The following MLLT6 variants were observed in gnomAD, a reference collection of about 807,000 sequenced individuals.
MLLT6 encodes the protein MLLT6, PHD finger containing.
In MLLT6, 22 loss-of-function variants were observed where a neutral mutation model predicts 103.0. The observed-to-expected ratio is 0.21, with a 90% CI of 0.15 to 0.31. The LOEUF is 0.31. Ranked by LOEUF, MLLT6 falls within the 10% of genes least tolerant of loss-of-function variation. The probability of loss-of-function intolerance (pLI) is 1.00; values close to 1 mark genes in which losing one functional copy is unlikely to be tolerated. For missense variants in MLLT6, 1,199 were observed against 1,441.7 expected (o/e 0.83, Z 2.73); for synonymous variants, 606 against 623.5 (o/e 0.97, Z 0.42).
chr17:38,710,471 C>T (rs769857578), intron 6 of MLLT6, among the ~76,000 whole-genome samples: 1 of 152,014 alleles, frequency 6.6e-6, no homozygotes, highest in African/African-American at 2.4e-5. Flanking sequence ...CCCTGGCAGC[C>T]GCTGTGAGGC....
In MLLT6 at chr17:38,720,373, C is replaced by T. The variant is rs1200602204; in HGVS notation, c.2157C>T (p.Ile719=). 4.0e-6 allele frequency: 6 copies of T among 1,507,284 alleles called. No individual in the cohort carries two copies. The highest frequency in any genetic ancestry group is 5.7e-5 in the East Asian group (2 of 35,044). The allele number at this position is 1,507,284 out of a possible 1,614,324, so 93.4% of individuals were successfully genotyped here. ...TCAGGTTCCTCGCTCTCTCCGCAGTCGTGGAGATGCTGAAGGCGCTGCACG... is the reference window on the plus strand; with the variant it reads ...TCAGGTTCCTCGCTCTCTCCGCAGTTGTGGAGATGCTGAAGGCGCTGCACG... ...KQGDGEAGVN[I]VEMLKALHAL... is the part of the protein sequence containing the mutation. Residue 719 remains isoleucine (I), a splice_region_variant and synonymous_variant, in exon 15 of 20, where the codon ATC becomes ATT. Coordinates refer to ENST00000621332, the MANE Select transcript of MLLT6 (RefSeq NM_005937.4).
rs1479585208 is a variant in MLLT6, at chr17:38,725,473, T to C, written c.3241-84T>C. 3 of 1,312,078 alleles carry C rather than the reference T, an allele frequency of 2.3e-6. No homozygotes were observed. In the African/African-American group the frequency reaches 4.4e-5, roughly 19 times the overall value. 81.3% of individuals were successfully genotyped at this position (1,312,078 alleles called of 1,614,324 possible). A position where few individuals can be genotyped will look rare whatever the true frequency, so the allele number is the denominator to read the frequency against. ...CCCCGTTTCAGTACCCCACAGCAGC[T>C]TTCTTGGCCTAGGAAGCTGTTCTTA... On this transcript the variant is annotated intron_variant, in intron 19 of 19. Transcript: ENST00000621332.
rs539538439 is a variant in MLLT6 at position 38,709,917 on chromosome 17, G to A, written c.552+342G>A. Among the ~76,000 whole-genome samples the A allele has an allele frequency of 3.3e-5, 5 of 152,328 alleles. No homozygotes were observed. The highest frequency in any genetic ancestry group is 4.8e-5 in the African/African-American group (2 of 41,578). ...GGGAGGCAGCATTTACTACGCCTCC[G>A]CCTTAGGACAAAGTTCCTGCCATGT... On this transcript the variant is annotated intron_variant, in intron 6 of 19. Transcript: ENST00000621332. The surrounding 1 kb of genome is among the most constrained non-coding windows in gnomAD (Gnocchi z 4.3).
chr17:38,716,715 G>C lies in MLLT6; in HGVS notation c.1385G>C (p.Gly462Ala), dbSNP rs1204799849. The stretch of plus-strand genomic sequence containing the variant: ...CCTGCTGATGAGACCCCTGAGACAG[G>C]CCTGAAGGAGAAGAAGCACAAAGCC... Reference protein sequence around the residue: ...PVPADETPETGLKEKKHKASK... With the variant: ...PVPADETPETALKEKKHKASK... Residue 462 changes from glycine (G) to alanine (A), a missense_variant, in exon 10 of 20, where the codon GGC (glycine) becomes GCC (alanine). By Grantham distance (60) the Gly-to-Ala change is moderately conservative. Around this residue, in one of 7 missense-constraint regions of MLLT6, gnomAD observed 1,034 missense variants for 1,091.5 expected, o/e 0.95. Transcript: ENST00000621332. This position sits in a 1 kb window ranked among gnomAD's most constrained non-coding sequence, Gnocchi z 5.6. 12 of 1,610,904 alleles carry C rather than the reference G, an allele frequency of 7.4e-6. No homozygotes were observed. Among genetic ancestry groups the C allele is most frequent in the Non-Finnish European group, 1.0e-5 (12 of 1,178,832 alleles).
intron 16 of MLLT6, chr17:38,721,062 G>T (rs1005864754): frequency 1.3e-5 from 6 of 468,750 alleles, no homozygotes; most frequent in African/African-American, 7.9e-5. Context: ...GAGAGAGAAC[G>T]GGGGAGGGCT....
At chr17:38,710,930 A>G (rs1672785731) in intron 6 of MLLT6, among the ~76,000 whole-genome samples, 1 of 152,170 alleles carries the variant, frequency 6.6e-6, no homozygotes, top group South Asian at 2.1e-4. Flanking sequence ...GATTTGGTGG[A>G]TGTCAGACTC....
Position 38,716,691 on chromosome 17 carries a change from C to T in MLLT6, c.1361C>T (p.Pro454Leu), listed in dbSNP as rs913850194. 3.1e-6 allele frequency: 5 copies of T among 1,612,790 alleles called. No individual in the cohort carries two copies. ...CCCGCACTGAGTGCCACCCCTGTGCCTGCTGATGAGACCCCTGAGACAGGC... is the reference window on the plus strand; with the variant it reads ...CCCGCACTGAGTGCCACCCCTGTGCTTGCTGATGAGACCCCTGAGACAGGC... ...RMPALSATPV[P>L]ADETPETGLK... The change falls in exon 10 of 20, where the codon CCT becomes CTT. Residue 454 changes from proline (P) to leucine (L), a missense_variant. Coordinates refer to ENST00000621332, the MANE Select transcript of MLLT6 (RefSeq NM_005937.4). The surrounding 1 kb of genome is among the most constrained non-coding windows in gnomAD (Gnocchi z 5.6).
chr17:38,716,844 G>A lies in MLLT6; in HGVS notation c.1514G>A (p.Gly505Asp). The part of the protein sequence containing the change: ...APSLPSAQLA[G>D]FTATAASPFS... ...TCCTTGCCCAGTGCCCAGCTGGCTG[G>A]CTTTACCGCCACTGCTGCCTCACCC... The change falls in exon 10 of 20, where the codon GGC (glycine) becomes GAC (aspartate). Residue 505 changes from glycine to aspartate, a missense_variant. Physicochemically the swap from Gly to Asp is moderately conservative, Grantham distance 94. This residue lies in a region of MLLT6 where 1,034 missense variants were observed against 1,091.5 expected (regional missense o/e 0.95). Coordinates refer to ENST00000621332, the MANE Select transcript of MLLT6 (RefSeq NM_005937.4). The surrounding 1 kb of genome is among the most constrained non-coding windows in gnomAD (Gnocchi z 5.6). The A allele has an allele frequency of 6.2e-7, 1 of 1,612,826 alleles. No individual in the cohort carries two copies. Among genetic ancestry groups the A allele is most frequent in the South Asian group, 1.1e-5 (1 of 90,866 alleles).
chr17:38,724,705 AGCT>A lies in MLLT6; in HGVS notation c.2972_2974del (p.Leu991del), dbSNP rs1445095907. On this transcript the variant is annotated inframe_deletion, in exon 19 of 20. Coordinates refer to ENST00000621332, the MANE Select transcript of MLLT6 (RefSeq NM_005937.4). This position sits in a 1 kb window ranked among gnomAD's most constrained non-coding sequence, Gnocchi z 5.4. ...CGCCTGCAGATGGCTGGGGGCTCCC[AGCT>A]GCCCATGGCCAGCCTGCTGGCAGGA... The A allele has an allele frequency of 1.2e-6, 2 of 1,612,976 alleles. No individual in the cohort carries two copies. The highest frequency in any genetic ancestry group is 3.3e-5 in the Admixed American group (2 of 59,952).
At chr17:38,706,904 C>T (rs1193810474) in intron 1 of MLLT6, 46 bp from the exon 2 acceptor site, 3 of 1,540,248 alleles carry the variant, frequency 1.9e-6, no homozygotes, top group East Asian at 2.3e-5. Flanking sequence ...TGGGAAAAAG[C>T]CACTGGCTGA....
chr17:38,712,738 T>C lies in MLLT6; in HGVS notation c.768T>C (p.Pro256=), dbSNP rs886726072. 8.1e-6 allele frequency: 13 copies of C among 1,613,770 alleles called. No individual in the cohort carries two copies. Among genetic ancestry groups the C allele is most frequent in the Non-Finnish European group, 1.1e-5 (13 of 1,179,870 alleles). The change falls in exon 8 of 20, where the codon CCT becomes CCC. Residue 256 remains proline (P), a synonymous_variant. Transcript: ENST00000621332. ...ERLKQKHKKR[P]ESPPSILTPP... The stretch of plus-strand genomic sequence containing the variant: ...TTAAGCAGAAGCACAAGAAGCGGCC[T>C]GAGTCGCCCCCCAGCATCCTCACCC...
At chr17:38,705,797 G>A in intron 1 of MLLT6, 56 bp downstream of exon 1, 3 of 762,474 alleles carry the variant, frequency 3.9e-6, no homozygotes, top group Non-Finnish European at 5.3e-6. Context: ...TGCGCGGGGC[G>A]CCCCCGGCCG....
chr17:38,721,849 T>C (rs541478286), intron 16 of MLLT6, 29 bp from the exon 17 acceptor site: 2 of 1,494,610 alleles, frequency 1.3e-6, no homozygotes, highest in East Asian at 2.5e-5. Context: ...GCTGGCCCTC[T>C]GACCCCTCCC....
Position 38,705,647 on chromosome 17 carries a change from A to G in MLLT6, c.15A>G (p.Val5=), listed in dbSNP as rs1446011667. 5 of 1,489,710 alleles carry G rather than the reference A, an allele frequency of 3.4e-6. No homozygotes were observed. In the African/African-American group the frequency reaches 4.4e-5, roughly 13 times the overall value. The allele number at this position is 1,489,710 out of a possible 1,614,324, so 92.3% of individuals were successfully genotyped here. ...CTCATGGGAGTATGAAGGAGATGGT[A>G]GGAGGCTGCTGCGTATGTTCGGACG... MKEM[V]GGCCVCSDER... The change falls in exon 1 of 20, where the codon GTA becomes GTG. Residue 5 remains valine, a synonymous_variant. Coordinates refer to ENST00000621332, the MANE Select transcript of MLLT6 (RefSeq NM_005937.4).
Position 38,716,682 on chromosome 17 carries a change from C to A in MLLT6, c.1352C>A (p.Thr451Asn). Residue 451 changes from threonine (T) to asparagine (N), a missense_variant, in exon 10 of 20, where the codon ACC (threonine) becomes AAC (asparagine). By Grantham distance (65) the Thr-to-Asn change is moderately conservative. Coordinates refer to ENST00000621332, the MANE Select transcript of MLLT6 (RefSeq NM_005937.4). The surrounding 1 kb of genome is among the most constrained non-coding windows in gnomAD (Gnocchi z 5.6). The part of the protein sequence containing the change: ...THKRMPALSA[T>N]PVPADETPET... ...AAACGGATGCCCGCACTGAGTGCCA[C>A]CCCTGTGCCTGCTGATGAGACCCCT... The A allele has an allele frequency of 3.1e-6, 5 of 1,613,088 alleles. No homozygotes were observed. The highest frequency in any genetic ancestry group is 4.2e-6 in the Non-Finnish European group (5 of 1,179,726).
chr17:38,713,168 C>T, intron 8 of MLLT6: 1 of 630,556 alleles, frequency 1.6e-6, no homozygotes, highest in Non-Finnish European at 2.9e-6. Context: ...CAGGAGGACA[C>T]CCAAAGCTTG....
chr17:38,712,680 TC>T lies in MLLT6; in HGVS notation c.721-8del. On this transcript the variant is annotated splice_polypyrimidine_tract_variant and intron_variant, in intron 7 of 19. Transcript: ENST00000621332. ...CCCCAGCACAATATCTAGTCACCTC[TC>T]CCTCTCCAGAGTCGAAAGGACAAAG... is the stretch of plus-strand genomic sequence containing the variant. 1 of 1,595,906 alleles carries T rather than the reference TC, an allele frequency of 6.3e-7. No individual in the cohort carries two copies. Among genetic ancestry groups the T allele is most frequent in the Non-Finnish European group, 8.6e-7 (1 of 1,163,604 alleles).
rs1031721947 is a variant in MLLT6, at chr17:38,721,790, G to A, written c.2443-88G>A. On this transcript the variant is annotated intron_variant, in intron 16 of 19. Transcript: ENST00000621332. ...CTGGGGGTGAAGTGGGGGTTGCTGT[G>A]CTCTGTGAGAATGCTGGTGGGTGCT... is the stretch of plus-strand genomic sequence containing the variant. 12 of 892,534 alleles carry A rather than the reference G, an allele frequency of 1.3e-5. No individual in the cohort carries two copies. The African/African-American group carries it at 2.0e-4, about 15-fold the overall frequency. 55.3% of individuals were successfully genotyped at this position (892,534 alleles called of 1,614,324 possible).
At chr17:38,722,567 C>G (rs1025812753) in intron 17 of MLLT6, 111 bp from the exon 18 acceptor site, 13 of 695,162 alleles carry the variant, frequency 1.9e-5, no homozygotes, top group Non-Finnish European at 3.4e-5. Flanking sequence ...TGCCTTGCTT[C>G]CCCTGGGTCT....
Sources: gnomAD v4.1 joint callset for allele counts (sites outside exome capture counted in the v4.1 genomes callset) on GRCh38, gnomAD v4.1.1 for gene constraint, gnomAD v4.1.1 regional missense constraint, Gnocchi (gnomAD v3.1) non-coding constraint, MANE v1.5 for transcripts, NCBI Gene and HGNC (gene_info 2026-07-23, HGNC 2026-07-21) for gene names.